The following TIAM2 variants were observed in gnomAD, a reference collection of about 807,000 sequenced individuals.
TIAM2 encodes the protein rho guanine nucleotide exchange factor TIAM2.
TIAM2 carries 80 observed loss-of-function variants against 152.9 expected under a neutral mutation model. The ratio of observed to expected loss-of-function variants is 0.52; its 90% CI spans 0.44 to 0.63. The LOEUF is 0.63. Ranked by LOEUF, TIAM2 falls within the 30% of genes least tolerant of loss-of-function variation. TIAM2 has a pLI of 0.00. For missense variants in TIAM2, 1,965 were observed against 2,120.1 expected (o/e 0.93, Z 1.44); for synonymous variants, 804 against 838.0 (o/e 0.96, Z 0.70).
intron 14 of TIAM2, among the ~76,000 whole-genome samples, chr6:155,192,060 G>C (rs948847530): frequency 2.6e-5 from 4 of 152,156 alleles, no homozygotes; most frequent in Non-Finnish European, 5.9e-5. Context: ...TGTAGTCACA[G>C]GGGTCTTTAC....
At chr6:155,067,119 T>C (rs1256757414) in intron 1 of TIAM2, among the ~76,000 whole-genome samples, 1 of 152,102 alleles carries the variant, frequency 6.6e-6, no homozygotes, top group Non-Finnish European at 1.5e-5. Flanking sequence ...AAGAGGGTCT[T>C]TGTGGTACAG....
intron 1 of TIAM2, among the ~76,000 whole-genome samples, chr6:155,033,602 C>T (rs1384453876): frequency 6.6e-6 from 1 of 152,080 alleles, no homozygotes; most frequent in East Asian, 1.9e-4. Context: ...AAAAGTTTGC[C>T]CCAGAAATAT....
At chr6:155,015,663 G>A (rs1412458531) in intron 1 of TIAM2, among the ~76,000 whole-genome samples, 3 of 152,142 alleles carry the variant, frequency 2.0e-5, no homozygotes, top group East Asian at 1.9e-4. Context: ...TAGGCCGGGC[G>A]CGGTGGCTCA....
chr6:155,032,970 A>T (rs187677822), intron 1 of TIAM2, among the ~76,000 whole-genome samples: 2 of 152,232 alleles, frequency 1.3e-5, no homozygotes, highest in Admixed American at 1.3e-4. Flanking sequence ...GCTATGTGTT[A>T]ATTCTACGAC....
intron 2 of TIAM2, among the ~76,000 whole-genome samples, chr6:155,123,990 ATTTATTTG>A (rs1390730124): frequency 6.6e-6 from 1 of 152,110 alleles, no homozygotes; most frequent in Non-Finnish European, 1.5e-5. Context: ...TTTGAACTTT[ATTTATTTG>A]TTTATTTATT....
chr6:155,074,583 C>T lies in TIAM2; in HGVS notation c.-208-15706C>T, dbSNP rs893363164. Among the ~76,000 whole-genome samples, 23 of 152,178 alleles carry T rather than the reference C, an allele frequency of 1.5e-4. 1 individual carries two copies. The Middle Eastern group carries it at 0.02, about 135-fold the overall frequency. On this transcript the variant is annotated intron_variant, in intron 1 of 26. Coordinates refer to ENST00000682666, the MANE Select transcript of TIAM2 (RefSeq NM_012454.4). ...GGTGGGTCTCGAACTCCTGACCTCACGTGATCCGCCTGCCTTGGCCTCCCA... is the reference window on the plus strand; with the variant it reads ...GGTGGGTCTCGAACTCCTGACCTCATGTGATCCGCCTGCCTTGGCCTCCCA...
chr6:155,003,505 C>A (rs1001058988), intron 1 of TIAM2, among the ~76,000 whole-genome samples: 1 of 152,070 alleles, frequency 6.6e-6, no homozygotes, highest in African/African-American at 2.4e-5. Context: ...TTACTTGTCC[C>A]CATTTTCACA....
intron 2 of TIAM2, among the ~76,000 whole-genome samples, chr6:155,121,046 T>A (rs1779137939): frequency 6.6e-6 from 1 of 152,162 alleles, no homozygotes. Flanking sequence ...TATGCTGTAA[T>A]AATTTGGAGG....
chr6:155,006,849 C>G (rs535590203), intron 1 of TIAM2, among the ~76,000 whole-genome samples: 1 of 152,088 alleles, frequency 6.6e-6, no homozygotes, highest in Non-Finnish European at 1.5e-5. Context: ...CCACCACACC[C>G]AGCTAATTTT....
intron 14 of TIAM2, among the ~76,000 whole-genome samples, chr6:155,201,396 G>A (rs1420115354): frequency 2.6e-5 from 4 of 152,162 alleles, no homozygotes; most frequent in Non-Finnish European, 5.9e-5. Context: ...GTACGGTATT[G>A]TCTGTTACAT....
chr6:155,110,349 AT>A, intron 2 of TIAM2, among the ~76,000 whole-genome samples: 1 of 56,720 alleles, frequency 1.8e-5, no homozygotes, highest in Non-Finnish European at 3.6e-5. Context: ...TCTTTCATCT[AT>A]TTACTTACCT....
intron 2 of TIAM2, among the ~76,000 whole-genome samples, chr6:155,127,018 C>T (rs1779311971): frequency 6.6e-6 from 1 of 152,168 alleles, no homozygotes; most frequent in Non-Finnish European, 1.5e-5. Context: ...AGCTTTTAAT[C>T]TCATTTATGA....
intron 7 of TIAM2, among the ~76,000 whole-genome samples, chr6:155,154,534 G>A (rs1780059875): frequency 6.6e-6 from 1 of 152,158 alleles, no homozygotes; most frequent in African/African-American, 2.4e-5. Context: ...GATCGCCTTT[G>A]AAGTTCCCAG....
In TIAM2 at chr6:155,105,314, C is replaced by T. The variant is rs1239440547; in HGVS notation, c.-118+14935C>T. Among the ~76,000 whole-genome samples the T allele has an allele frequency of 2.0e-5, 3 of 152,110 alleles. No individual in the cohort carries two copies. The East Asian group carries it at 5.8e-4, about 29-fold the overall frequency. On this transcript the variant is annotated intron_variant, in intron 2 of 26. Coordinates refer to ENST00000682666, the MANE Select transcript of TIAM2 (RefSeq NM_012454.4). ...TATAGGTGCATGCCACCACGCCCAG[C>T]TAATTTTTGTATTTTTAGTAGAGAC...
rs1467689467 is a variant in TIAM2, at chr6:155,213,395, A to G, written c.3168+2088A>G. 6.6e-6 allele frequency among the ~76,000 whole-genome samples: 1 copy of G among 152,094 alleles called. No homozygotes were observed. The highest frequency in any genetic ancestry group is 1.5e-5 in the Non-Finnish European group (1 of 68,004). On this transcript the variant is annotated intron_variant, in intron 15 of 26. Transcript: ENST00000682666. This position sits in a 1 kb window ranked among gnomAD's most constrained non-coding sequence, Gnocchi z 4.2. ...GCTCCTCTCCACAGCTGGTAGTACT[A>G]ATGTCTGCTTAGCTTTAAGCAGAGA...
At chr6:155,144,476 T>G in intron 5 of TIAM2, 130 bp from the exon 6 acceptor site, 2 of 886,830 alleles carry the variant, frequency 2.3e-6, no homozygotes, top group South Asian at 5.1e-5. Flanking sequence ...CACTTTTCCT[T>G]GTTTACCATG....
intron 15 of TIAM2, among the ~76,000 whole-genome samples, chr6:155,219,627 A>G (rs901181): frequency 6.7e-6 from 1 of 149,968 alleles, no homozygotes; most frequent in Non-Finnish European, 1.5e-5. Flanking sequence ...ATTTTTTTTT[A>G]AAAAATTTCC....
intron 15 of TIAM2, among the ~76,000 whole-genome samples, chr6:155,236,174 T>C (rs1176986735): frequency 6.6e-6 from 1 of 151,904 alleles, no homozygotes; most frequent in South Asian, 2.1e-4. Flanking sequence ...ACCAGAGTCA[T>C]GGCTGTGATT....
intron 19 of TIAM2, 85 bp from the exon 20 acceptor site, chr6:155,247,915 A>T: frequency 7.5e-6 from 11 of 1,461,634 alleles, no homozygotes; most frequent in Non-Finnish European, 9.3e-6. Context: ...ATAGAAATAG[A>T]TGATCTATAA....
Sources: gnomAD v4.1 joint callset for allele counts (sites outside exome capture counted in the v4.1 genomes callset) on GRCh38, gnomAD v4.1.1 for gene constraint, Gnocchi (gnomAD v3.1) non-coding constraint, MANE v1.5 for transcripts, NCBI Gene and HGNC (gene_info 2026-07-23, HGNC 2026-07-21) for gene names.